The following HELZ variants were observed in gnomAD, a reference collection of about 807,000 sequenced individuals.
HELZ encodes helicase with zinc finger, also known as ATP-dependent RNA helicase with zinc finger domain.
Under a neutral mutation model 218.2 loss-of-function variants are expected in HELZ, and 23 were observed. The ratio of observed to expected loss-of-function variants is 0.11; its 90% CI spans 0.08 to 0.15. The LOEUF (loss-of-function observed/expected upper bound fraction) is 0.15. Among genes scored for constraint, HELZ ranks in the 10% least tolerant of loss-of-function variants. The pLI is 1.00. For synonymous variants in HELZ, 814 were observed against 829.4 expected (o/e 0.98, Z 0.32); for missense variants, 1,813 against 2,353.7 (o/e 0.77, Z 4.75).
At chr17:67,112,673 T>C (rs945517518) in intron 28 of HELZ, among the ~76,000 whole-genome samples, 1 of 152,242 alleles carries the variant, frequency 6.6e-6, no homozygotes, top group African/African-American at 2.4e-5. Flanking sequence ...AGGTTGGAGA[T>C]ACAGATTTGG....
intron 25 of HELZ, 135 bp downstream of exon 25, chr17:67,123,828 T>TGTGTGTGTGC: frequency 1.4e-6 from 1 of 704,824 alleles, no homozygotes; most frequent in Admixed American, 2.2e-5. Flanking sequence ...TGTGTGTGTG[T>TGTGTGTGTGC]GTGTGTGTGT....
intron 15 of HELZ, among the ~76,000 whole-genome samples, chr17:67,162,895 G>A (rs1183467883): frequency 6.6e-6 from 1 of 152,170 alleles, no homozygotes; most frequent in Non-Finnish European, 1.5e-5. Flanking sequence ...AGAGGAGGGT[G>A]AGGTGTCTGT....
intron 4 of HELZ, among the ~76,000 whole-genome samples, chr17:67,218,352 T>C (rs2040660128): frequency 6.6e-6 from 1 of 152,222 alleles, no homozygotes; most frequent in African/African-American, 2.4e-5. Flanking sequence ...TAGAACAGTG[T>C]CTAGTACACA....
chr17:67,120,745 AAAAT>A (rs1164653842), intron 26 of HELZ, 133 bp from the exon 27 acceptor site: 16 of 644,274 alleles, frequency 2.5e-5, no homozygotes, highest in African/African-American at 2.2e-4. Context: ...TAATTTTCTC[AAAAT>A]AAATAACTAC....
At chr17:67,086,744 G>T (rs1205067242) in intron 32 of HELZ, 85 bp downstream of exon 32, 13 of 1,404,324 alleles carry the variant, frequency 9.3e-6, no homozygotes, top group Non-Finnish European at 1.3e-5. Flanking sequence ...ATGCAAATTG[G>T]GGGCAGGTGG....
chr17:67,161,851 A>C (rs571184254), intron 15 of HELZ, among the ~76,000 whole-genome samples: 1 of 152,332 alleles, frequency 6.6e-6, no homozygotes, highest in African/African-American at 2.4e-5. Context: ...GAAACACATC[A>C]AACTGAGTGG....
In HELZ at chr17:67,129,291, A is replaced by C. The variant is rs1170019686; in HGVS notation, c.3183-436T>G. 2.0e-5 allele frequency among the ~76,000 whole-genome samples: 3 copies of C among 151,968 alleles called. 1 individual carries two copies. Among genetic ancestry groups the C allele is most frequent in the African/African-American group, 7.2e-5 (3 of 41,406 alleles). On this transcript the variant is annotated intron_variant, in intron 23 of 32. Coordinates refer to ENST00000358691, the MANE Select transcript of HELZ (RefSeq NM_014877.4). ...TCAATATAATGAATATAAATCACAT[A>C]ATTCTAATTTATATACATACGCATA...
At chr17:67,156,680 T>G (rs1181857214) in intron 17 of HELZ, among the ~76,000 whole-genome samples, 1 of 151,756 alleles carries the variant, frequency 6.6e-6, no homozygotes, top group Non-Finnish European at 1.5e-5. Context: ...CCAGCCCTCC[T>G]CTCCCCTAAC....
intron 5 of HELZ, among the ~76,000 whole-genome samples, chr17:67,215,282 C>A (rs1178029108): frequency 6.6e-6 from 1 of 151,894 alleles, no homozygotes; most frequent in African/African-American, 2.4e-5. Flanking sequence ...TCTAGCTAAG[C>A]TTAACATTTT....
At chr17:67,146,113 A>G (rs1567839748) in intron 20 of HELZ, among the ~76,000 whole-genome samples, 1 of 152,224 alleles carries the variant, frequency 6.6e-6, no homozygotes, top group Admixed American at 6.5e-5. Flanking sequence ...TAAGGTACGA[A>G]GCCAAAACAG....
At chr17:67,110,111 A>G (rs1469536720) in intron 28 of HELZ, among the ~76,000 whole-genome samples, 1 of 152,020 alleles carries the variant, frequency 6.6e-6, no homozygotes, top group Non-Finnish European at 1.5e-5. Flanking sequence ...TCTGTCTCCC[A>G]GGCTGCAGTG....
chr17:67,176,032 A>G (rs2039446566), intron 13 of HELZ, among the ~76,000 whole-genome samples: 1 of 152,208 alleles, frequency 6.6e-6, no homozygotes, highest in African/African-American at 2.4e-5. Context: ...TTTTTACACC[A>G]TGAGCAGCAA....
At chr17:67,132,546 C>A (rs2038020669) in intron 23 of HELZ, among the ~76,000 whole-genome samples, 1 of 152,188 alleles carries the variant, frequency 6.6e-6, no homozygotes, top group South Asian at 2.1e-4. Context: ...GCAATTTAAT[C>A]TCTCTGAATC....
intron 19 of HELZ, 22 bp downstream of exon 19, chr17:67,149,845 C>T (rs776668575): frequency 7.4e-7 from 1 of 1,348,614 alleles, no homozygotes; most frequent in Non-Finnish European, 1.0e-6. Flanking sequence ...ACTTTCAACA[C>T]AGCAACTCAG....
intron 21 of HELZ, among the ~76,000 whole-genome samples, chr17:67,145,538 T>C (rs1768849864): frequency 6.6e-6 from 1 of 152,200 alleles, no homozygotes; most frequent in Non-Finnish European, 1.5e-5. Context: ...TAAGACAAAA[T>C]GTAAATCAAA....
At chr17:67,172,201 A>T (rs1008205526) in intron 13 of HELZ, among the ~76,000 whole-genome samples, 2 of 152,176 alleles carry the variant, frequency 1.3e-5, no homozygotes, top group African/African-American at 4.8e-5. Context: ...CATCTGCTTG[A>T]GAAAGCAGAT....
Position 67,167,608 on chromosome 17 carries a change from G to A in HELZ, c.1619C>T (p.Pro540Leu), listed in dbSNP as rs1330741644. Residue 540 changes from proline to leucine, a missense_variant, in exon 14 of 33, where the codon CCT (proline) becomes CTT (leucine). Pro to Leu is a moderately conservative substitution (Grantham distance 98, BLOSUM62 -3). Transcript: ENST00000358691. ...KVNAVYLLPVPKQKLVQTQGT... is the reference protein window; with the variant it reads ...KVNAVYLLPVLKQKLVQTQGT... ...CTGGGTCTGTACTAACTTCTGTTTA[G>A]GGACTGGTAATAAATAAACAGCATT... is the stretch of plus-strand genomic sequence containing the variant. 1.2e-6 allele frequency: 2 copies of A among 1,613,920 alleles called. No homozygotes were observed. Among genetic ancestry groups the A allele is most frequent in the Admixed American group, 1.7e-5 (1 of 59,992 alleles).
chr17:67,108,634 C>A lies in HELZ; in HGVS notation c.4582G>T (p.Gly1528Cys). ...WSEHHAFLSQ[G>C]SAPYPHHHHP... is the part of the protein sequence containing the mutation. ...TGATGGTGTGGGTATGGAGCGCTGC[C>A]CTGACTGAGAAAGGCATGATGCTCG... The change falls in exon 30 of 33, where the codon GGC (glycine) becomes TGC (cysteine). Residue 1528 changes from glycine to cysteine, a missense_variant. This residue lies in a region of HELZ where 938 missense variants were observed against 1,027.5 expected (regional missense o/e 0.91). Coordinates refer to ENST00000358691, the MANE Select transcript of HELZ (RefSeq NM_014877.4). This position sits in a 1 kb window ranked among gnomAD's most constrained non-coding sequence, Gnocchi z 4.1. 6.2e-7 allele frequency: 1 copy of A among 1,614,006 alleles called. No individual in the cohort carries two copies. The highest frequency in any genetic ancestry group is 8.5e-7 in the Non-Finnish European group (1 of 1,179,970).
chr17:67,167,754 C>A lies in HELZ; in HGVS notation c.1473G>T (p.Met491Ile). ...KVQLQILASF[M>I]LTGVSGGAKY... ...TTGCACCTCCAGAAACACCAGTGAG[C>A]ATGAAGCTTGCCAGAATCTGCAATT... The change falls in exon 14 of 33, where the codon ATG becomes ATT. Residue 491 changes from methionine (M) to isoleucine (I), a missense_variant. Physicochemically the swap from Met to Ile is conservative, Grantham distance 10. Coordinates refer to ENST00000358691, the MANE Select transcript of HELZ (RefSeq NM_014877.4). 1 of 1,612,864 alleles carries A rather than the reference C, an allele frequency of 6.2e-7. No homozygotes were observed. Among genetic ancestry groups the A allele is most frequent in the Non-Finnish European group, 8.5e-7 (1 of 1,179,038 alleles).
Sources: allele counts gnomAD v4.1 joint callset (sites outside exome capture counted in the v4.1 genomes callset), GRCh38; gene constraint gnomAD v4.1.1; regional missense constraint gnomAD v4.1.1; non-coding constraint Gnocchi (gnomAD v3.1); transcripts MANE v1.5; gene names NCBI Gene and HGNC (gene_info 2026-07-23, HGNC 2026-07-21).